The following MEF2A variants were observed in gnomAD, a reference collection of about 807,000 sequenced individuals.
MEF2A encodes myocyte-specific enhancer factor 2A.
Under a neutral mutation model 55.8 loss-of-function variants are expected in MEF2A, and 28 were observed. That is an observed-to-expected ratio of 0.50 (90% CI 0.37 to 0.69). MEF2A has a LOEUF of 0.69. Among genes scored for constraint, MEF2A ranks in the 30% least tolerant of loss-of-function variants. The probability of loss-of-function intolerance (pLI) is 0.00; values close to 1 mark genes in which losing one functional copy is unlikely to be tolerated. For synonymous variants in MEF2A, 239 were observed against 227.1 expected (o/e 1.05, Z -0.47); for missense variants, 528 against 626.2 (o/e 0.84, Z 1.67).
chr15:99,690,632 CTTAAAA>C (rs1238683633), intron 8 of MEF2A: 5 of 695,546 alleles, frequency 7.2e-6, no homozygotes, highest in South Asian at 1.5e-5. Context: ...TTAACAGTTA[CTTAAAA>C]TTAAAGCTAA....
rs944190801 is a variant in MEF2A, at chr15:99,641,797, G to A, written c.55-3764G>A. Reference sequence around the variant, plus strand: ...TACAAGCCTCCACATCCCTGACCCCGTACATTTTCCAGCATACCCTCTGGG... The same window carrying A: ...TACAAGCCTCCACATCCCTGACCCCATACATTTTCCAGCATACCCTCTGGG... On this transcript the variant is annotated intron_variant, in intron 3 of 11. Transcript: ENST00000557942. 1.3e-5 allele frequency among the ~76,000 whole-genome samples: 2 copies of A among 152,074 alleles called. 1 individual carries two copies. Among genetic ancestry groups the A allele is most frequent in the South Asian group, 4.2e-4 (2 of 4,818 alleles).
At position 99,712,910 on chromosome 15, in the gene MEF2A, G is replaced by A. The variant is rs2058821533; in HGVS notation, c.*139G>A. The A allele has an allele frequency of 6.5e-6, 6 of 926,704 alleles. No homozygotes were observed. In the East Asian group the frequency reaches 1.7e-4, roughly 26 times the overall value. 57.4% of individuals were successfully genotyped at this position (926,704 alleles called of 1,614,324 possible). ...ATCCCTTTACATATATATGTATGTG[G>A]GTGTGAGTGTGTATGTGTGGGTGTG... On this transcript the variant is annotated 3_prime_UTR_variant, in exon 12 of 12. Transcript: ENST00000557942. The surrounding 1 kb of genome is among the most constrained non-coding windows in gnomAD (Gnocchi z 4.1).
chr15:99,689,259 A>G (rs1429747703), intron 7 of MEF2A, among the ~76,000 whole-genome samples: 1 of 152,232 alleles, frequency 6.6e-6, no homozygotes, highest in Non-Finnish European at 1.5e-5. Context: ...AAGTAGAGCC[A>G]TAAGGAAGAA....
chr15:99,712,241 T>C lies in MEF2A; in HGVS notation c.1137-149T>C. The C allele has an allele frequency of 1.5e-6, 2 of 1,348,230 alleles. No individual in the cohort carries two copies. Among genetic ancestry groups the C allele is most frequent in the South Asian group, 1.7e-5 (1 of 60,564 alleles). 83.5% of individuals were successfully genotyped at this position (1,348,230 alleles called of 1,614,324 possible). A position where few individuals can be genotyped will look rare whatever the true frequency, so the allele number is the denominator to read the frequency against. On this transcript the variant is annotated intron_variant, in intron 11 of 11. Coordinates refer to ENST00000557942, the MANE Select transcript of MEF2A (RefSeq NM_001319206.4). This position sits in a 1 kb window ranked among gnomAD's most constrained non-coding sequence, Gnocchi z 4.1. Reference sequence around the variant, plus strand: ...TGGGATTTCCTTTTGTGCCAAGCACTGAAGGAAACGACCCAAACCAGTCTT... The same window carrying C: ...TGGGATTTCCTTTTGTGCCAAGCACCGAAGGAAACGACCCAAACCAGTCTT...
chr15:99,711,932 C>T (rs1026126797), intron 11 of MEF2A, among the ~76,000 whole-genome samples: 1 of 152,242 alleles, frequency 6.6e-6, no homozygotes, highest in Non-Finnish European at 1.5e-5. Context: ...CCCTCATTTC[C>T]TCATCTGGAA....
In MEF2A at chr15:99,712,830, A is replaced by C; in HGVS notation, c.*59A>C. On this transcript the variant is annotated 3_prime_UTR_variant, in exon 12 of 12. Transcript: ENST00000557942. The surrounding 1 kb of genome is among the most constrained non-coding windows in gnomAD (Gnocchi z 4.1). ...CTGCAGTGACCTGCCCTACATATCT[A>C]AATCGGTAAATAAGGACATGAGTTA... is the stretch of plus-strand genomic sequence containing the variant. 6.7e-7 allele frequency: 1 copy of C among 1,495,350 alleles called. No individual in the cohort carries two copies. Among genetic ancestry groups the C allele is most frequent in the Non-Finnish European group, 9.0e-7 (1 of 1,109,676 alleles). 92.6% of individuals were successfully genotyped at this position (1,495,350 alleles called of 1,614,324 possible). A position where few individuals can be genotyped will look rare whatever the true frequency, so the allele number is the denominator to read the frequency against.
intron 3 of MEF2A, among the ~76,000 whole-genome samples, chr15:99,639,146 G>A (rs1006465935): frequency 6.6e-6 from 1 of 152,094 alleles, no homozygotes; most frequent in Admixed American, 6.5e-5. Context: ...TTATCCAGAA[G>A]TAACATATGT....
intron 1 of MEF2A, among the ~76,000 whole-genome samples, chr15:99,592,989 T>A (rs1969865026): frequency 6.6e-6 from 1 of 152,200 alleles, no homozygotes; most frequent in Admixed American, 6.5e-5. Flanking sequence ...AGTGATAATA[T>A]TATGAGTGTA....
At chr15:99,655,296 G>A (rs1474383226) in intron 4 of MEF2A, among the ~76,000 whole-genome samples, 2 of 152,040 alleles carry the variant, frequency 1.3e-5, no homozygotes, top group African/African-American at 4.8e-5. Flanking sequence ...AAATGGTGCT[G>A]GAAAACCTGG....
intron 3 of MEF2A, among the ~76,000 whole-genome samples, 190 bp downstream of exon 3, chr15:99,633,363 T>C (rs1216225306): frequency 6.6e-6 from 1 of 152,038 alleles, no homozygotes; most frequent in Non-Finnish European, 1.5e-5. Context: ...ACTTCCTTAT[T>C]ATAGATATAT....
intron 9 of MEF2A, among the ~76,000 whole-genome samples, chr15:99,705,853 G>A (rs182050507): frequency 6.6e-6 from 1 of 152,308 alleles, no homozygotes; most frequent in Admixed American, 6.5e-5. Flanking sequence ...GTTGTGCTGT[G>A]GCTTTCTTAT....
chr15:99,635,201 C>T (rs964751769), intron 3 of MEF2A, among the ~76,000 whole-genome samples: 2 of 152,036 alleles, frequency 1.3e-5, no homozygotes, highest in African/African-American at 2.4e-5. Flanking sequence ...TAGAAGAAAC[C>T]GCTAACTTCT....
At chr15:99,612,915 GA>G (rs80233565) in intron 2 of MEF2A, among the ~76,000 whole-genome samples, 154 of 132,720 alleles carry the variant, frequency 1.2e-3, no homozygotes, top group Admixed American at 1.3e-3. Context: ...TTTAGCAAGT[GA>G]AAAAAAAAAA....
chr15:99,569,285 G>A (rs1362467151), intron 1 of MEF2A, among the ~76,000 whole-genome samples: 1 of 152,184 alleles, frequency 6.6e-6, no homozygotes, highest in Non-Finnish European at 1.5e-5. Context: ...GCGAAAATGC[G>A]TATTGCCTGA....
intron 1 of MEF2A, among the ~76,000 whole-genome samples, chr15:99,589,115 C>G (rs1968399358): frequency 6.6e-6 from 1 of 152,124 alleles, no homozygotes; most frequent in South Asian, 2.1e-4. Context: ...CTTCTGTTTC[C>G]TGAAGAGATT....
intron 1 of MEF2A, among the ~76,000 whole-genome samples, chr15:99,588,303 T>C (rs972211291): frequency 2.6e-5 from 4 of 152,078 alleles, no homozygotes; most frequent in Admixed American, 6.6e-5. Flanking sequence ...GTTGTTTTTT[T>C]CTTTTCTTTT....
chr15:99,593,504 G>A (rs1970074051), intron 1 of MEF2A, among the ~76,000 whole-genome samples: 1 of 152,144 alleles, frequency 6.6e-6, no homozygotes, highest in African/African-American at 2.4e-5. Flanking sequence ...GCCCATATGA[G>A]TTCACCCTTA....
chr15:99,681,617 A>G (rs1354476513), intron 7 of MEF2A, among the ~76,000 whole-genome samples: 1 of 152,196 alleles, frequency 6.6e-6, no homozygotes, highest in African/African-American at 2.4e-5. Context: ...GAGATGGGGA[A>G]TACAGTATTC....
At chr15:99,601,510 G>GTTTTTTTTTTTT (rs34835966) in intron 2 of MEF2A, among the ~76,000 whole-genome samples, 1 of 113,908 alleles carries the variant, frequency 8.8e-6, no homozygotes, top group Non-Finnish European at 1.8e-5. Context: ...CTTGGTCAGA[G>GTTTTTTTTTTTT]TTTTTTTTTT....
Sources: gnomAD v4.1 joint callset for allele counts (sites outside exome capture counted in the v4.1 genomes callset) on GRCh38, gnomAD v4.1.1 for gene constraint, Gnocchi (gnomAD v3.1) non-coding constraint, MANE v1.5 for transcripts, NCBI Gene and HGNC (gene_info 2026-07-23, HGNC 2026-07-21) for gene names.